Variants in MAPKAP1 observed in about 807,000 individuals in gnomAD.
MAPKAP1 encodes MAPK associated protein 1, also known as target of rapamycin complex 2 subunit MAPKAP1.
MAPKAP1 carries 20 observed loss-of-function variants against 65.7 expected under a neutral mutation model. The observed-to-expected ratio is 0.30, with a 90% CI of 0.21 to 0.44. The LOEUF (loss-of-function observed/expected upper bound fraction) is 0.44. Ranked by LOEUF, MAPKAP1 falls within the 20% of genes least tolerant of loss-of-function variation. The pLI, the probability that MAPKAP1 is intolerant of heterozygous loss-of-function variation, is 1.00. For missense variants in MAPKAP1, 423 were observed against 648.0 expected (o/e 0.65, Z 3.77); for synonymous variants, 222 against 244.3 (o/e 0.91, Z 0.85).
chr9:125,484,570 G>A lies in MAPKAP1; in HGVS notation c.1080C>T (p.Asp360=), dbSNP rs371132640. 27 of 1,609,124 alleles carry A rather than the reference G, an allele frequency of 1.7e-5. No individual in the cohort carries two copies. Among genetic ancestry groups the A allele is most frequent in the East Asian group, 2.2e-5 (1 of 44,610 alleles). ...CLVRENSSRA[D]GVFEEDSQID... ...TTTGCGAATCCTCCTCAAAAACCCCGTCTGCCCTTGAACCTGGGGAGGAAA... is the reference window on the plus strand; with the variant it reads ...TTTGCGAATCCTCCTCAAAAACCCCATCTGCCCTTGAACCTGGGGAGGAAA... Residue 360 remains aspartate, a synonymous_variant, in exon 9 of 12, where the codon GAC becomes GAT. Transcript: ENST00000265960.
chr9:125,486,406 C>T (rs774710284), intron 8 of MAPKAP1, among the ~76,000 whole-genome samples: 4 of 152,082 alleles, frequency 2.6e-5, no homozygotes, highest in Admixed American at 6.5e-5. Flanking sequence ...CTCTAGGCCT[C>T]GTGTTGAGCA....
chr9:125,615,916 A>G (rs76236941), intron 4 of MAPKAP1, among the ~76,000 whole-genome samples: 2 of 144,594 alleles, frequency 1.4e-5, no homozygotes, highest in Non-Finnish European at 3.1e-5. Flanking sequence ...TCCGTCTCAG[A>G]AAAAAAAAAA....
intron 3 of MAPKAP1, among the ~76,000 whole-genome samples, chr9:125,665,625 A>AAAAAAAC (rs1003899654): frequency 6.6e-6 from 1 of 151,762 alleles, no homozygotes; most frequent in South Asian, 2.1e-4. Context: ...TTGTTGCTCA[A>AAAAAAAC]AAAAAACAAA....
In MAPKAP1 at chr9:125,595,279, C is replaced by G. The variant is rs1264171036; in HGVS notation, c.499-9552G>C. On this transcript the variant is annotated intron_variant, in intron 4 of 11. Coordinates refer to ENST00000265960, the MANE Select transcript of MAPKAP1 (RefSeq NM_001006617.3). This position sits in a 1 kb window ranked among gnomAD's most constrained non-coding sequence, Gnocchi z 4.0. ...CTAGGCCAATTATGAAATATCAATA[C>G]TATGAACCAAAGGTTACCCAATTAA... 6.6e-6 allele frequency among the ~76,000 whole-genome samples: 1 copy of G among 152,126 alleles called. No homozygotes were observed. Among genetic ancestry groups the G allele is most frequent in the African/African-American group, 2.4e-5 (1 of 41,436 alleles).
At position 125,693,834 on chromosome 9, in the gene MAPKAP1, T is replaced by TACAC. The variant is rs1430763244; in HGVS notation, c.-70+13136_-70+13137insGTGT. ...ACACACATATACACACACACACATA[T>TACAC]ATATACACACATACACACACACACA... On this transcript the variant is annotated intron_variant, in intron 1 of 11. Transcript: ENST00000265960. Among the ~76,000 whole-genome samples the TACAC allele has an allele frequency of 2.2e-3, 196 of 87,836 alleles. 3 individuals are homozygous for TACAC. Among genetic ancestry groups the TACAC allele is most frequent in the Middle Eastern group, 0.011 (2 of 178 alleles). 57.6% of individuals were successfully genotyped at this position (87,836 alleles called of 152,430 possible).
At chr9:125,625,255 T>TTAAAAAAAAAAAAAAAAAAAAAAAAA (rs1564589549) in intron 4 of MAPKAP1, among the ~76,000 whole-genome samples, 3 of 64,708 alleles carry the variant, frequency 4.6e-5, no homozygotes, top group Non-Finnish European at 6.1e-5. Flanking sequence ...AATAAATAAA[T>TTAAAAAAAAAAAAAAAAAAAAAAAAA]AAAAAAAAAA....
At chr9:125,467,887 G>A in intron 10 of MAPKAP1, 85 bp downstream of exon 10, 1 of 1,406,428 alleles carries the variant, frequency 7.1e-7, no homozygotes, top group Middle Eastern at 1.8e-4. Context: ...GGACACAGTG[G>A]CAATATATTC....
chr9:125,693,722 T>TATATATACACACAC (rs1554844657), intron 1 of MAPKAP1, among the ~76,000 whole-genome samples: 84 of 53,012 alleles, frequency 1.6e-3, no homozygotes, highest in African/African-American at 2.2e-3. Context: ...TATATACACG[T>TATATATACACACAC]ATATACACAT....
chr9:125,689,694 G>A (rs1417487616), intron 1 of MAPKAP1, among the ~76,000 whole-genome samples: 3 of 139,582 alleles, frequency 2.1e-5, no homozygotes, highest in Non-Finnish European at 4.6e-5. Flanking sequence ...AGCCATGATC[G>A]CACCACTGCA....
At chr9:125,659,863 T>A (rs138250847) in intron 3 of MAPKAP1, among the ~76,000 whole-genome samples, 1 of 152,156 alleles carries the variant, frequency 6.6e-6, no homozygotes, top group Non-Finnish European at 1.5e-5. Flanking sequence ...AGTAGGCATA[T>A]TCAGGCCACA....
In MAPKAP1 at chr9:125,492,669, T is replaced by C. The variant is rs141778938; in HGVS notation, c.1067-8086A>G. On this transcript the variant is annotated intron_variant, in intron 8 of 11. Transcript: ENST00000265960. ...CTTGTACTCATAGATACAAACTGCATGGGACTTTAACATTCATTTTATGGT... is the reference window on the plus strand; with the variant it reads ...CTTGTACTCATAGATACAAACTGCACGGGACTTTAACATTCATTTTATGGT... Among the ~76,000 whole-genome samples the C allele has an allele frequency of 4.6e-3, 701 of 152,334 alleles. 6 individuals carry two copies. The highest frequency in any genetic ancestry group is 0.016 in the African/African-American group (655 of 41,572).
At chr9:125,596,484 T>G in intron 4 of MAPKAP1, 1 of 746,812 alleles carries the variant, frequency 1.3e-6, no homozygotes, top group Non-Finnish European at 2.5e-6. Flanking sequence ...CTTCAAATTT[T>G]GAACCCATGA....
At chr9:125,522,383 A>C (rs1254047827) in intron 7 of MAPKAP1, among the ~76,000 whole-genome samples, 1 of 152,192 alleles carries the variant, frequency 6.6e-6, no homozygotes, top group Non-Finnish European at 1.5e-5. Flanking sequence ...GGTTCATCAA[A>C]CTGTACTAAA....
intron 1 of MAPKAP1, among the ~76,000 whole-genome samples, chr9:125,677,947 C>A (rs1443197731): frequency 6.6e-6 from 1 of 152,102 alleles, no homozygotes; most frequent in Non-Finnish European, 1.5e-5. Context: ...GACAAGGTCT[C>A]ACTCCCATCG....
At chr9:125,520,018 T>G (rs1315754846) in intron 7 of MAPKAP1, among the ~76,000 whole-genome samples, 5 of 152,094 alleles carry the variant, frequency 3.3e-5, no homozygotes, top group Admixed American at 3.3e-4. Context: ...CCCCAGCACA[T>G]TTGAGACAGT....
At position 125,571,318 on chromosome 9, in the gene MAPKAP1, C is replaced by T. The variant is rs7875116; in HGVS notation, c.672-11509G>A. The stretch of plus-strand genomic sequence containing the variant: ...CTGTCCTAAAACTTTTTATCATCTA[C>T]AGACCATTGTTGTCTTGTTTTAATC... On this transcript the variant is annotated intron_variant, in intron 5 of 11. Coordinates refer to ENST00000265960, the MANE Select transcript of MAPKAP1 (RefSeq NM_001006617.3). Among the ~76,000 whole-genome samples, 938 of 152,310 alleles carry T rather than the reference C, an allele frequency of 6.2e-3. 16 individuals carry two copies. Among genetic ancestry groups the T allele is most frequent in the African/African-American group, 0.022 (902 of 41,570 alleles).
intron 8 of MAPKAP1, among the ~76,000 whole-genome samples, chr9:125,487,170 T>C (rs2133043206): frequency 6.6e-6 from 1 of 152,304 alleles, no homozygotes; most frequent in East Asian, 1.9e-4. Flanking sequence ...TCCAGGACAC[T>C]GCAGAGCTTC....
chr9:125,650,341 GA>G (rs749855219), intron 4 of MAPKAP1: 2 of 152,192 alleles, frequency 1.3e-5, no homozygotes, highest in Non-Finnish European at 2.9e-5. Context: ...TGAGGTTAAA[GA>G]GAACACCTCT....
chr9:125,496,391 C>T (rs2133063098), intron 8 of MAPKAP1, among the ~76,000 whole-genome samples: 1 of 152,322 alleles, frequency 6.6e-6, no homozygotes, highest in Non-Finnish European at 1.5e-5. Flanking sequence ...TCAGCAATAA[C>T]AACCTAAAAT....
Sources: gnomAD v4.1 joint callset for allele counts (sites outside exome capture counted in the v4.1 genomes callset) on GRCh38, gnomAD v4.1.1 for gene constraint, Gnocchi (gnomAD v3.1) non-coding constraint, MANE v1.5 for transcripts, NCBI Gene and HGNC (gene_info 2026-07-23, HGNC 2026-07-21) for gene names.